Variants in SEMA3E observed in about 807,000 individuals in gnomAD.
SEMA3E encodes semaphorin 3E.
In SEMA3E, 49 loss-of-function variants were observed where a neutral mutation model predicts 93.6. That is an observed-to-expected ratio of 0.52 (90% CI 0.42 to 0.66). The LOEUF (loss-of-function observed/expected upper bound fraction) is 0.66, where lower values mean the gene tolerates loss of function less well. Among genes scored for constraint, SEMA3E ranks in the 30% least tolerant of loss-of-function variants. The pLI is 0.00. For missense variants in SEMA3E, 906 were observed against 964.8 expected, an observed-to-expected ratio of 0.94 and a Z score of 0.81; for synonymous variants, 363 against 330.7, an observed-to-expected ratio of 1.10 and a Z score of -1.06.
chr7:83,596,563 T>C (rs906258084), intron 1 of SEMA3E, among the ~76,000 whole-genome samples: 2 of 152,112 alleles, frequency 1.3e-5, no homozygotes, highest in African/African-American at 4.8e-5. Context: ...TACAGACATA[T>C]ACATATATGA....
intron 1 of SEMA3E, among the ~76,000 whole-genome samples, chr7:83,634,640 A>T (rs1793846873): frequency 6.6e-6 from 1 of 152,034 alleles, no homozygotes; most frequent in Non-Finnish European, 1.5e-5. Context: ...TTTAAATATT[A>T]TTACAAGCGA....
chr7:83,555,039 A>G (rs1791858792), intron 1 of SEMA3E, among the ~76,000 whole-genome samples: 1 of 149,054 alleles, frequency 6.7e-6, no homozygotes, highest in Non-Finnish European at 1.5e-5. Context: ...CATAGAAACA[A>G]TTCCATTTAA....
At chr7:83,605,578 C>G (rs1290362342) in intron 1 of SEMA3E, among the ~76,000 whole-genome samples, 1 of 151,736 alleles carries the variant, frequency 6.6e-6, no homozygotes, top group Non-Finnish European at 1.5e-5. Context: ...TTACAGGCAC[C>G]CACCACCACC....
At chr7:83,529,292 T>C (rs1408865075) in intron 1 of SEMA3E, among the ~76,000 whole-genome samples, 1 of 152,058 alleles carries the variant, frequency 6.6e-6, no homozygotes, top group East Asian at 1.9e-4. Flanking sequence ...TGTTAATACA[T>C]TTGTCCTAGT....
intron 16 of SEMA3E, chr7:83,371,533 T>G (rs2116897216): frequency 6.6e-6 from 1 of 152,326 alleles, no homozygotes; most frequent in East Asian, 1.9e-4. Context: ...TTCAATATTT[T>G]AATAAAAGCT....
intron 1 of SEMA3E, among the ~76,000 whole-genome samples, chr7:83,617,528 T>A (rs1793401609): frequency 6.9e-6 from 1 of 145,106 alleles, no homozygotes; most frequent in Non-Finnish European, 1.5e-5. Flanking sequence ...TAATTTTATA[T>A]AAATTTTATA....
At chr7:83,525,578 C>A (rs900763439) in intron 1 of SEMA3E, among the ~76,000 whole-genome samples, 1 of 151,912 alleles carries the variant, frequency 6.6e-6, no homozygotes, top group Non-Finnish European at 1.5e-5. Flanking sequence ...ATTTCCTCAA[C>A]TTTAATTTTT....
At chr7:83,418,831 A>T (rs1048762019) in intron 4 of SEMA3E, among the ~76,000 whole-genome samples, 1 of 152,196 alleles carries the variant, frequency 6.6e-6, no homozygotes, top group Non-Finnish European at 1.5e-5. Context: ...AGGAGGTTCA[A>T]TGTTAAAAAT....
intron 1 of SEMA3E, among the ~76,000 whole-genome samples, chr7:83,524,257 C>T (rs1791108325): frequency 1.3e-5 from 2 of 152,016 alleles, no homozygotes; most frequent in South Asian, 4.1e-4. Context: ...GTGAGTCCAC[C>T]TGAGGTACCT....
intron 1 of SEMA3E, among the ~76,000 whole-genome samples, chr7:83,579,152 T>G (rs543691249): frequency 5.5e-4 from 84 of 152,276 alleles, no homozygotes; most frequent in Middle Eastern, 3.4e-3. Flanking sequence ...GTTTCAAAAA[T>G]GACACATTAT....
chr7:83,482,534 C>T (rs1790167373), intron 2 of SEMA3E, among the ~76,000 whole-genome samples: 1 of 128,080 alleles, frequency 7.8e-6, no homozygotes, highest in Non-Finnish European at 1.5e-5. Context: ...CACTGCACTC[C>T]AGCCTGCGCG....
intron 1 of SEMA3E, among the ~76,000 whole-genome samples, chr7:83,593,774 G>T (rs1224183593): frequency 2.0e-5 from 3 of 152,020 alleles, no homozygotes; most frequent in Non-Finnish European, 4.4e-5. Flanking sequence ...AGAGATAAAA[G>T]AGAGTTCGGA....
chr7:83,569,716 A>T (rs1426013169), intron 1 of SEMA3E, among the ~76,000 whole-genome samples: 1 of 152,208 alleles, frequency 6.6e-6, no homozygotes, highest in Non-Finnish European at 1.5e-5. Flanking sequence ...CCACGATCGG[A>T]GCACTGAGAT....
At chr7:83,538,524 T>G (rs1791453184) in intron 1 of SEMA3E, among the ~76,000 whole-genome samples, 1 of 152,194 alleles carries the variant, frequency 6.6e-6, no homozygotes, top group South Asian at 2.1e-4. Context: ...TGCCTCATCC[T>G]TCCTCACCAA....
chr7:83,577,009 A>G (rs1792419131), intron 1 of SEMA3E, among the ~76,000 whole-genome samples: 1 of 152,192 alleles, frequency 6.6e-6, no homozygotes, highest in Non-Finnish European at 1.5e-5. Context: ...TATCATTTCA[A>G]TATTTGTAAA....
At chr7:83,608,298 A>T (rs1311883726) in intron 1 of SEMA3E, among the ~76,000 whole-genome samples, 1 of 152,112 alleles carries the variant, frequency 6.6e-6, no homozygotes, top group Non-Finnish European at 1.5e-5. Context: ...GAGAATAGAT[A>T]AGAGATTATT....
chr7:83,631,515 A>T (rs1793785507), intron 1 of SEMA3E, among the ~76,000 whole-genome samples: 1 of 152,250 alleles, frequency 6.6e-6, no homozygotes. Flanking sequence ...TACCATTTTA[A>T]CTAGCCAGTT....
At chr7:83,537,304 T>A (rs554466650) in intron 1 of SEMA3E, among the ~76,000 whole-genome samples, 2 of 152,344 alleles carry the variant, frequency 1.3e-5, no homozygotes, top group African/African-American at 2.4e-5. Flanking sequence ...AACAATTTTT[T>A]AATATTTGTT....
intron 1 of SEMA3E, among the ~76,000 whole-genome samples, chr7:83,528,100 C>T (rs1481820356): frequency 2.0e-5 from 3 of 151,392 alleles, no homozygotes; most frequent in Non-Finnish European, 4.4e-5. Flanking sequence ...TACTATAATG[C>T]CCTTTTTGGT....
Sources: gnomAD v4.1 joint callset for allele counts (sites outside exome capture counted in the v4.1 genomes callset) on GRCh38, gnomAD v4.1.1 for gene constraint, MANE v1.5 for transcripts, NCBI Gene and HGNC (gene_info 2026-07-23, HGNC 2026-07-21) for gene names.